The following LINGO2 variants were observed in gnomAD, a reference collection of about 807,000 sequenced individuals.
LINGO2 encodes leucine-rich repeat and immunoglobulin-like domain-containing nogo receptor-interacting protein 2.
A neutral mutation model predicts 30.6 loss-of-function variants in LINGO2; 14 were observed. The observed-to-expected ratio is 0.46, with a 90% CI of 0.30 to 0.72. LINGO2 has a LOEUF of 0.72. Among genes scored for constraint, LINGO2 ranks in the 30% least tolerant of loss-of-function variants. The pLI, the probability that LINGO2 is intolerant of heterozygous loss-of-function variation, is 0.07. For synonymous variants in LINGO2, 317 were observed against 288.5 expected, an observed-to-expected ratio of 1.10 and a Z score of -1.00; for missense variants, 729 against 751.7, an observed-to-expected ratio of 0.97 and a Z score of 0.35.
the LINGO2 span, among the ~76,000 whole-genome samples, chr9:29,213,213 C>T: frequency 6.6e-6 from 1 of 152,208 alleles, no homozygotes; most frequent in African/African-American, 2.4e-5. Flanking sequence ...ACCCCACAGA[C>T]ACGTCAGTCA....
At chr9:27,967,075 C>A (rs1274353166) in intron 5 of LINGO2, among the ~76,000 whole-genome samples, 1 of 152,098 alleles carries the variant, frequency 6.6e-6, no homozygotes, top group Non-Finnish European at 1.5e-5. Flanking sequence ...CTGAATGCAC[C>A]TAGACATTTT....
intron 1 of LINGO2, among the ~76,000 whole-genome samples, chr9:28,540,461 T>C (rs1173497682): frequency 6.6e-6 from 1 of 151,946 alleles, no homozygotes; most frequent in Non-Finnish European, 1.5e-5. Flanking sequence ...AGGGTTTCAT[T>C]ATGTTGGCTA....
chr9:28,136,189 TA>T (rs1178377664), intron 4 of LINGO2, among the ~76,000 whole-genome samples: 3 of 152,238 alleles, frequency 2.0e-5, no homozygotes, highest in Non-Finnish European at 4.4e-5. Context: ...ATAGAATTTT[TA>T]CAAAGTTACT....
At chr9:28,563,175 G>C (rs1823193271) in intron 1 of LINGO2, among the ~76,000 whole-genome samples, 1 of 152,028 alleles carries the variant, frequency 6.6e-6, no homozygotes. Flanking sequence ...TCATTTTATA[G>C]ATGAGGGAAC....
chr9:28,166,733 C>CTT (rs141759711), intron 4 of LINGO2, among the ~76,000 whole-genome samples: 1 of 148,470 alleles, frequency 6.7e-6, no homozygotes, highest in Admixed American at 6.7e-5. Context: ...ATGATATTTC[C>CTT]TTTTTTTTTT....
intron 4 of LINGO2, among the ~76,000 whole-genome samples, chr9:28,089,127 C>T (rs1171678845): frequency 6.6e-6 from 1 of 152,154 alleles, no homozygotes; most frequent in African/African-American, 2.4e-5. Context: ...GAGACTTTAA[C>T]ACACCATTGT....
the LINGO2 span, among the ~76,000 whole-genome samples, chr9:28,992,350 AC>A: frequency 6.6e-6 from 1 of 152,184 alleles, no homozygotes; most frequent in Non-Finnish European, 1.5e-5. Context: ...ATACGGGAGC[AC>A]CCAAATTCAT....
At chr9:28,100,536 A>G (rs1484629377) in intron 4 of LINGO2, among the ~76,000 whole-genome samples, 1 of 152,236 alleles carries the variant, frequency 6.6e-6, no homozygotes, top group Non-Finnish European at 1.5e-5. Context: ...TATAAAATGT[A>G]GTCACATTTG....
the LINGO2 span, among the ~76,000 whole-genome samples, chr9:28,894,006 G>C: frequency 1.3e-4 from 20 of 151,756 alleles, no homozygotes; most frequent in African/African-American, 4.6e-4. Context: ...GCAGCATTTG[G>C]TTTTTTGTCC....
the LINGO2 span, among the ~76,000 whole-genome samples, chr9:28,796,943 G>C: frequency 1.3e-5 from 2 of 151,672 alleles, no homozygotes; most frequent in Non-Finnish European, 2.9e-5. Context: ...GTGTGCATGT[G>C]AGTGTATGTG....
At chr9:28,002,601 T>C (rs1421771665) in intron 5 of LINGO2, among the ~76,000 whole-genome samples, 1 of 152,180 alleles carries the variant, frequency 6.6e-6, no homozygotes, top group East Asian at 1.9e-4. Flanking sequence ...CTGTAAGAAT[T>C]TGTGTGATGT....
At chr9:28,016,339 C>A (rs12349320) in intron 4 of LINGO2, among the ~76,000 whole-genome samples, 1 of 152,100 alleles carries the variant, frequency 6.6e-6, no homozygotes. Flanking sequence ...GTCAGGCTAT[C>A]TGAGGTACAA....
At chr9:28,413,796 T>C (rs1822864381) in intron 2 of LINGO2, among the ~76,000 whole-genome samples, 1 of 152,112 alleles carries the variant, frequency 6.6e-6, no homozygotes, top group Non-Finnish European at 1.5e-5. Context: ...GCTTTGTCTG[T>C]GTTATAAATT....
the LINGO2 span, among the ~76,000 whole-genome samples, chr9:28,964,852 T>C: frequency 6.6e-6 from 1 of 152,018 alleles, no homozygotes; most frequent in South Asian, 2.1e-4. Context: ...CTATGAACTA[T>C]GCGCATGGGA....
the LINGO2 span, among the ~76,000 whole-genome samples, chr9:28,858,434 G>A: frequency 3.3e-5 from 5 of 152,042 alleles, no homozygotes; most frequent in South Asian, 6.2e-4. Context: ...TCTGATAAAT[G>A]AACTTACTGC....
Position 28,329,018 on chromosome 9 carries a change from G to T in LINGO2, c.-245-33652C>A, listed in dbSNP as rs1825327129. 6.6e-6 allele frequency among the ~76,000 whole-genome samples: 1 copy of T among 152,040 alleles called. No homozygotes were observed. The highest frequency in any genetic ancestry group is 2.4e-5 in the African/African-American group (1 of 41,398). ...AATGGCCTTCACAGAGACTTCTCAG[G>T]TTCTCACCCCATCCGTATACGAGCT... is the stretch of plus-strand genomic sequence containing the variant. On this transcript the variant is annotated intron_variant, in intron 3 of 5. Transcript: ENST00000379992. The surrounding 1 kb of genome is among the most constrained non-coding windows in gnomAD (Gnocchi z 4.5).
chr9:28,976,221 C>A, the LINGO2 span, among the ~76,000 whole-genome samples: 3 of 151,758 alleles, frequency 2.0e-5, no homozygotes, highest in Non-Finnish European at 4.4e-5. Context: ...GCAAGTGGCC[C>A]CATCTAATTC....
At chr9:29,019,165 T>C in the LINGO2 span, among the ~76,000 whole-genome samples, 1 of 152,280 alleles carries the variant, frequency 6.6e-6, no homozygotes. Flanking sequence ...AATAAAGCCT[T>C]GAGAATTGAG....
intron 4 of LINGO2, among the ~76,000 whole-genome samples, chr9:28,238,108 C>T (rs530138089): frequency 6.6e-6 from 1 of 151,858 alleles, no homozygotes; most frequent in African/African-American, 2.4e-5. Flanking sequence ...ATGCATCCAA[C>T]ACTGCAGCAC....
Sources: allele counts gnomAD v4.1 joint callset (sites outside exome capture counted in the v4.1 genomes callset), GRCh38; gene constraint gnomAD v4.1.1; non-coding constraint Gnocchi (gnomAD v3.1); transcripts MANE v1.5; gene names NCBI Gene and HGNC (gene_info 2026-07-23, HGNC 2026-07-21).